The following PCSK5 variants were observed in gnomAD, a reference collection of about 807,000 sequenced individuals.
The protein encoded by PCSK5 is proprotein convertase subtilisin/kexin type 5.
In PCSK5, 129 loss-of-function variants were observed where a neutral mutation model predicts 233.2. The observed-to-expected ratio is 0.55, with a 90% CI of 0.48 to 0.64. PCSK5 has a LOEUF of 0.64. Ranked by LOEUF, PCSK5 falls within the 30% of genes least tolerant of loss-of-function variation. The pLI is 0.00. For synonymous variants in PCSK5, 825 were observed against 879.2 expected (o/e 0.94, Z 1.09); for missense variants, 2,076 against 2,430.1 (o/e 0.85, Z 3.06).
intron 1 of PCSK5, among the ~76,000 whole-genome samples, chr9:75,901,479 G>A (rs1335149190): frequency 2.6e-5 from 4 of 152,166 alleles, no homozygotes; most frequent in Non-Finnish European, 4.4e-5. Flanking sequence ...TGGGGGTGGC[G>A]GGAAAAGGGA....
chr9:76,152,950 A>G (rs1464830823), intron 10 of PCSK5, among the ~76,000 whole-genome samples: 4 of 152,228 alleles, frequency 2.6e-5, no homozygotes, highest in Admixed American at 2.6e-4. Flanking sequence ...GAGAATATTA[A>G]CTGTTTTCCT....
At chr9:75,961,770 T>A (rs956347003) in intron 2 of PCSK5, among the ~76,000 whole-genome samples, 3 of 152,246 alleles carry the variant, frequency 2.0e-5, no homozygotes, top group African/African-American at 7.2e-5. Flanking sequence ...TTATATCGCC[T>A]ACATGATGAA....
chr9:76,231,818 T>G (rs1209319313), intron 21 of PCSK5, among the ~76,000 whole-genome samples: 1 of 152,148 alleles, frequency 6.6e-6, no homozygotes, highest in African/African-American at 2.4e-5. Context: ...CAGCCAGATG[T>G]GTGTGAGTGT....
chr9:76,159,380 A>G (rs1306112767), intron 12 of PCSK5, among the ~76,000 whole-genome samples: 3 of 152,202 alleles, frequency 2.0e-5, no homozygotes, highest in African/African-American at 4.8e-5. Flanking sequence ...ATAGTTGGCT[A>G]AGAAAAGGAT....
chr9:76,323,344 GC>G, intron 32 of PCSK5, 56 bp downstream of exon 32: 2 of 985,952 alleles, frequency 2.0e-6, no homozygotes, highest in Non-Finnish European at 3.1e-6. Flanking sequence ...TCCAGCCCCA[GC>G]CCCAGCGCCA....
intron 24 of PCSK5, among the ~76,000 whole-genome samples, chr9:76,280,010 T>A (rs1445749899): frequency 6.6e-6 from 1 of 152,198 alleles, no homozygotes. Flanking sequence ...ATGTTGCATT[T>A]TTTACAAATT....
intron 10 of PCSK5, among the ~76,000 whole-genome samples, chr9:76,152,677 C>T (rs1587692064): frequency 6.6e-6 from 1 of 152,076 alleles, no homozygotes; most frequent in Non-Finnish European, 1.5e-5. Context: ...ATAGCTGGCT[C>T]CAGTAAGGAC....
chr9:75,964,310 ATATCT>A (rs1029928169), intron 2 of PCSK5, among the ~76,000 whole-genome samples: 9 of 152,218 alleles, frequency 5.9e-5, no homozygotes, highest in South Asian at 2.1e-4. Context: ...AGTTCTAAAA[ATATCT>A]TATATTATAA....
chr9:76,350,120 AAAAAAG>A (rs1236694210), intron 35 of PCSK5, among the ~76,000 whole-genome samples: 7 of 152,098 alleles, frequency 4.6e-5, no homozygotes, highest in Non-Finnish European at 8.8e-5. Flanking sequence ...TGAAAAAAAA[AAAAAAG>A]AAAGAAAGAC....
chr9:76,178,209 A>G (rs1161719086), intron 14 of PCSK5, among the ~76,000 whole-genome samples: 1 of 152,216 alleles, frequency 6.6e-6, no homozygotes, highest in Non-Finnish European at 1.5e-5. Context: ...AAATGTCCCA[A>G]GTTGCAGTAG....
chr9:76,240,787 T>C, intron 24 of PCSK5, 103 bp downstream of exon 24: 1 of 774,840 alleles, frequency 1.3e-6, no homozygotes, highest in Non-Finnish European at 2.2e-6. Context: ...GTCATTGCTG[T>C]CAGCCTCAGT....
intron 9 of PCSK5, among the ~76,000 whole-genome samples, chr9:76,108,177 A>T (rs1224718921): frequency 1.3e-5 from 2 of 152,180 alleles, no homozygotes; most frequent in Non-Finnish European, 2.9e-5. Context: ...ATTTTGTATC[A>T]TGTATGTTAT....
At chr9:76,104,642 G>A (rs1157009269) in intron 8 of PCSK5, among the ~76,000 whole-genome samples, 2 of 152,216 alleles carry the variant, frequency 1.3e-5, no homozygotes, top group African/African-American at 2.4e-5. Context: ...GAGGTTGGCT[G>A]AAGATGGTTA....
At chr9:75,961,392 A>G (rs956440132) in intron 2 of PCSK5, among the ~76,000 whole-genome samples, 1 of 152,230 alleles carries the variant, frequency 6.6e-6, no homozygotes, top group Non-Finnish European at 1.5e-5. Context: ...AAAATGTTTG[A>G]TACATTTGTT....
At chr9:75,906,768 A>G (rs1043974030) in intron 1 of PCSK5, among the ~76,000 whole-genome samples, 1 of 152,224 alleles carries the variant, frequency 6.6e-6, no homozygotes, top group African/African-American at 2.4e-5. Flanking sequence ...CTATTGCATT[A>G]CAATGGATTC....
chr9:76,161,564 T>G (rs1399499956), intron 12 of PCSK5, among the ~76,000 whole-genome samples: 1 of 151,996 alleles, frequency 6.6e-6, no homozygotes, highest in African/African-American at 2.4e-5. Flanking sequence ...CCGAGCCCCC[T>G]TCCTTGTAGA....
intron 20 of PCSK5, among the ~76,000 whole-genome samples, chr9:76,191,127 A>T (rs965363566): frequency 2.0e-5 from 3 of 152,218 alleles, no homozygotes; most frequent in Non-Finnish European, 2.9e-5. Context: ...CAGATATTAC[A>T]TGCCAATGAT....
chr9:76,023,818 C>A lies in PCSK5; in HGVS notation c.492C>A (p.Asn164Lys). 6.2e-7 allele frequency: 1 copy of A among 1,613,480 alleles called. No homozygotes were observed. Among genetic ancestry groups the A allele is most frequent in the Non-Finnish European group, 8.5e-7 (1 of 1,179,572 alleles). ...GAWKRGYTGK[N>K]IVVTILDDGI... ...GGAAGAGAGGCTACACGGGAAAGAA[C>A]ATTGTGGTCACTATCCTGGATGACG... The change falls in exon 4 of 38, where the codon AAC (asparagine) becomes AAA (lysine). Residue 164 changes from asparagine to lysine, a missense_variant. Coordinates refer to ENST00000674117, the MANE Select transcript of PCSK5 (RefSeq NM_001372043.1).
intron 1 of PCSK5, among the ~76,000 whole-genome samples, chr9:75,922,900 C>T (rs961830702): frequency 2.5e-4 from 38 of 152,122 alleles, no homozygotes; most frequent in African/African-American, 8.9e-4. Flanking sequence ...GCTCAGGATT[C>T]GTAATCAGAT....
Sources: gnomAD v4.1 joint callset for allele counts (sites outside exome capture counted in the v4.1 genomes callset) on GRCh38, gnomAD v4.1.1 for gene constraint, MANE v1.5 for transcripts, NCBI Gene and HGNC (gene_info 2026-07-23, HGNC 2026-07-21) for gene names.